Variants in CNTNAP2 observed in about 807,000 individuals in gnomAD.
CNTNAP2 encodes the protein contactin-associated protein-like 2.
A neutral mutation model predicts 155.2 loss-of-function variants in CNTNAP2; 98 were observed. That is an observed-to-expected ratio of 0.63 (90% CI 0.54 to 0.75). The LOEUF (loss-of-function observed/expected upper bound fraction) is 0.75. Among genes scored for constraint, CNTNAP2 ranks in the 30% least tolerant of loss-of-function variants. The probability of loss-of-function intolerance (pLI) is 0.00; values close to 1 mark genes in which losing one functional copy is unlikely to be tolerated. For synonymous variants in CNTNAP2, 651 were observed against 631.2 expected (o/e 1.03, Z -0.47); for missense variants, 1,727 against 1,688.1 (o/e 1.02, Z -0.40).
intron 5 of CNTNAP2, among the ~76,000 whole-genome samples, chr7:147,114,241 A>G (rs1800939952): frequency 6.6e-6 from 1 of 152,120 alleles, no homozygotes; most frequent in Non-Finnish European, 1.5e-5. Flanking sequence ...TATGTCATCA[A>G]TTTTAGAGTA....
At chr7:146,355,144 A>G (rs1370141333) in intron 1 of CNTNAP2, among the ~76,000 whole-genome samples, 1 of 152,220 alleles carries the variant, frequency 6.6e-6, no homozygotes, top group Non-Finnish European at 1.5e-5. Context: ...CATCAAATCA[A>G]ATTATTCTTG....
chr7:147,079,525 C>T (rs962019650), intron 4 of CNTNAP2, among the ~76,000 whole-genome samples: 3 of 151,714 alleles, frequency 2.0e-5, no homozygotes, highest in African/African-American at 7.3e-5. Flanking sequence ...GGCACACCAA[C>T]ATGGCATATG....
chr7:147,194,545 T>C (rs912964961), intron 8 of CNTNAP2, among the ~76,000 whole-genome samples: 6 of 152,146 alleles, frequency 3.9e-5, no homozygotes, highest in Non-Finnish European at 8.8e-5. Flanking sequence ...CCACCAACAG[T>C]GTAAAAGTGT....
At chr7:147,491,150 C>T (rs1301949610) in intron 11 of CNTNAP2, among the ~76,000 whole-genome samples, 1 of 152,106 alleles carries the variant, frequency 6.6e-6, no homozygotes, top group African/African-American at 2.4e-5. Context: ...TGGAATCCAT[C>T]CTTTGGGGCA....
chr7:147,413,101 T>C (rs982164089), intron 10 of CNTNAP2, among the ~76,000 whole-genome samples: 7 of 152,158 alleles, frequency 4.6e-5, no homozygotes, highest in African/African-American at 1.7e-4. Context: ...GGTCAGAAAA[T>C]TCTAGAAGTG....
At chr7:147,208,010 T>C (rs1008818813) in intron 8 of CNTNAP2, among the ~76,000 whole-genome samples, 2 of 152,278 alleles carry the variant, frequency 1.3e-5, no homozygotes, top group East Asian at 3.9e-4. Flanking sequence ...ATGGACACTA[T>C]GGGCTATTGT....
At chr7:148,267,254 G>A (rs1401060304) in intron 21 of CNTNAP2, 128 bp downstream of exon 21, 1 of 821,570 alleles carries the variant, frequency 1.2e-6, no homozygotes, top group Non-Finnish European at 2.1e-6. Flanking sequence ...CTCTGTACAG[G>A]AAAGTTACGT....
Position 146,774,251 on chromosome 7 carries a change from T to G in CNTNAP2, c.98-20T>G, listed in dbSNP as rs199901768. The G allele has an allele frequency of 1.7e-4, 267 of 1,585,522 alleles. No homozygotes were observed. Among genetic ancestry groups the G allele is most frequent in the Non-Finnish European group, 2.2e-4 (250 of 1,155,644 alleles). ...AATCGTTGTTGAGTGTCTCTCTCCCTCTCTGTCTTTTGTTTTCAGAAAAAT... is the reference window on the plus strand; with the variant it reads ...AATCGTTGTTGAGTGTCTCTCTCCCGCTCTGTCTTTTGTTTTCAGAAAAAT... On this transcript the variant is annotated intron_variant, in intron 1 of 23. Coordinates refer to ENST00000361727, the MANE Select transcript of CNTNAP2 (RefSeq NM_014141.6).
chr7:147,742,991 A>T (rs1434026461), intron 13 of CNTNAP2, among the ~76,000 whole-genome samples: 1 of 152,226 alleles, frequency 6.6e-6, no homozygotes, highest in Non-Finnish European at 1.5e-5. Context: ...TTTCAGTTTC[A>T]TCACACAGTA....
intron 1 of CNTNAP2, among the ~76,000 whole-genome samples, chr7:146,255,152 G>A (rs1799818645): frequency 6.6e-6 from 1 of 152,134 alleles, no homozygotes; most frequent in Non-Finnish European, 1.5e-5. Context: ...TCCCGTGAAT[G>A]AACATGTTGA....
intron 15 of CNTNAP2, among the ~76,000 whole-genome samples, chr7:148,105,620 C>G: frequency 6.6e-6 from 1 of 150,944 alleles, no homozygotes. Context: ...TGGAGTCTTG[C>G]TCTGTTGCCC....
chr7:148,381,939 C>T (rs1342467902), intron 21 of CNTNAP2, among the ~76,000 whole-genome samples: 7 of 152,212 alleles, frequency 4.6e-5, no homozygotes, highest in African/African-American at 1.7e-4. Context: ...AGATGTGGAA[C>T]ACACTCCGGT....
chr7:148,018,059 C>G lies in CNTNAP2; in HGVS notation c.2383+40070C>G, dbSNP rs374003984. On this transcript the variant is annotated intron_variant, in intron 15 of 23. Coordinates refer to ENST00000361727, the MANE Select transcript of CNTNAP2 (RefSeq NM_014141.6). ...AAGCATTCACAGATGCACACAGATT[C>G]CAAGAACTCTCTCACACTATCTCAG... is the stretch of plus-strand genomic sequence containing the variant. Among the ~76,000 whole-genome samples, 102 of 152,328 alleles carry G rather than the reference C, an allele frequency of 6.7e-4. 1 individual carries two copies. Among genetic ancestry groups the G allele is most frequent in the African/African-American group, 2.2e-3 (92 of 41,570 alleles).
At chr7:147,887,345 C>T (rs1799619214) in intron 13 of CNTNAP2, among the ~76,000 whole-genome samples, 1 of 152,126 alleles carries the variant, frequency 6.6e-6, no homozygotes, top group South Asian at 2.1e-4. Context: ...GTGGCAGGCA[C>T]CTGTTATCCC....
intron 8 of CNTNAP2, among the ~76,000 whole-genome samples, chr7:147,152,505 G>T (rs986658332): frequency 6.6e-6 from 1 of 152,024 alleles, no homozygotes; most frequent in African/African-American, 2.4e-5. Flanking sequence ...GATTAGGAGG[G>T]TAAGTGGCTC....
intron 10 of CNTNAP2, among the ~76,000 whole-genome samples, chr7:147,441,107 C>T (rs1033202642): frequency 1.3e-5 from 2 of 152,024 alleles, no homozygotes; most frequent in Non-Finnish European, 2.9e-5. Flanking sequence ...CTTAGATTTG[C>T]CCTTTTGAGG....
At chr7:146,119,547 T>G (rs544686902) in intron 1 of CNTNAP2, among the ~76,000 whole-genome samples, 1 of 152,124 alleles carries the variant, frequency 6.6e-6, no homozygotes, top group Non-Finnish European at 1.5e-5. Context: ...TTCCTGTAAA[T>G]GTAGATACAC....
At chr7:147,926,528 A>C (rs1800402284) in intron 14 of CNTNAP2, among the ~76,000 whole-genome samples, 1 of 152,234 alleles carries the variant, frequency 6.6e-6, no homozygotes, top group South Asian at 2.1e-4. Flanking sequence ...ATTAAAGTCA[A>C]CATCTTTTTA....
At chr7:146,615,827 A>T (rs948459979) in intron 1 of CNTNAP2, among the ~76,000 whole-genome samples, 3 of 152,166 alleles carry the variant, frequency 2.0e-5, no homozygotes, top group African/African-American at 7.2e-5. Flanking sequence ...GGTTCCAAAG[A>T]TCTTCATGTG....
Sources: gnomAD v4.1 joint callset for allele counts (sites outside exome capture counted in the v4.1 genomes callset) on GRCh38, gnomAD v4.1.1 for gene constraint, MANE v1.5 for transcripts, NCBI Gene and HGNC (gene_info 2026-07-23, HGNC 2026-07-21) for gene names.